Variants in KCP observed in about 807,000 individuals in gnomAD.
KCP encodes the protein kielin/chordin-like protein.
In KCP, 194 loss-of-function variants were observed where a neutral mutation model predicts 212.7. The observed-to-expected ratio is 0.91, with a 90% CI of 0.81 to 1.03. The LOEUF (loss-of-function observed/expected upper bound fraction) is 1.03. Ranked by LOEUF, KCP falls within the 50% of genes least tolerant of loss-of-function variation. KCP has a pLI of 0.00. For missense variants in KCP, 2,080 were observed against 2,162.5 expected (o/e 0.96, Z 0.76); for synonymous variants, 833 against 865.3 (o/e 0.96, Z 0.65).
At position 128,880,059 on chromosome 7, in the gene KCP, G is replaced by A; in HGVS notation, c.3786C>T (p.Gly1262=). 2 of 1,546,438 alleles carry A rather than the reference G, an allele frequency of 1.3e-6. No individual in the cohort carries two copies. The highest frequency in any genetic ancestry group is 2.7e-5 in the African/African-American group (2 of 73,122). The part of the protein sequence containing the change: ...GPDKAPALSP[G]SCCPRCLPRP... The stretch of plus-strand genomic sequence containing the variant: ...GAGGCAGGCAGCGGGGGCAGCAGCT[G>A]CCAGGACTCAGGGCAGGGGCCTTGT... The change falls in exon 35 of 40, where the codon GGC becomes GGT. Residue 1262 remains glycine, a synonymous_variant. Transcript: ENST00000610776.
intron 23 of KCP, 38 bp from the exon 24 acceptor site, chr7:128,887,004 G>A (rs531880713): frequency 1.7e-6 from 2 of 1,153,052 alleles, no homozygotes; most frequent in South Asian, 2.7e-5. Context: ...CAACTGGACT[G>A]CACATTTCCC....
intron 2 of KCP, among the ~76,000 whole-genome samples, chr7:128,907,854 C>T (rs1434537317): frequency 6.6e-6 from 1 of 152,136 alleles, no homozygotes; most frequent in South Asian, 2.1e-4. Flanking sequence ...TCTGGCCAGG[C>T]CTGGTGGCTC....
intron 21 of KCP, 44 bp from the exon 22 acceptor site, chr7:128,889,083 G>A (rs1360835749): frequency 1.4e-6 from 2 of 1,414,178 alleles, no homozygotes; most frequent in Non-Finnish European, 9.4e-7. Flanking sequence ...GGACAGAAAG[G>A]GATGAGAGGG....
chr7:128,880,789 G>C (rs1244594203), intron 32 of KCP, 68 bp from the exon 33 acceptor site: 1 of 403,788 alleles, frequency 2.5e-6, no homozygotes, highest in African/African-American at 2.1e-5. Flanking sequence ...TGCTTCTGGG[G>C]GCCTCTGGGC....
intron 8 of KCP, among the ~76,000 whole-genome samples, chr7:128,900,079 G>T (rs1794762178): frequency 6.6e-6 from 1 of 151,928 alleles, no homozygotes. Flanking sequence ...CCATGGCAAG[G>T]CTTGGCTCAA....
chr7:128,901,805 C>T (rs1360571252), intron 8 of KCP, among the ~76,000 whole-genome samples: 1 of 152,194 alleles, frequency 6.6e-6, no homozygotes, highest in Admixed American at 6.5e-5. Flanking sequence ...CCTCAGCAAG[C>T]TGTCAGGAAG....
intron 22 of KCP, 26 bp downstream of exon 22, chr7:128,888,837 G>A: frequency 6.5e-7 from 1 of 1,542,458 alleles, no homozygotes; most frequent in Non-Finnish European, 8.7e-7. Context: ...CCAGCAGGGG[G>A]AATGGAAGGG....
Position 128,890,532 on chromosome 7 carries a change from G to T in KCP, c.2165-19C>A. The stretch of plus-strand genomic sequence containing the variant: ...AGGCAGCCTGGGGAGAAGGGCAGGG[G>T]CTGGGGGGCCGTGGGGACTAGAGGG... On this transcript the variant is annotated intron_variant, in intron 20 of 39. Transcript: ENST00000610776. 2 of 1,540,314 alleles carry T rather than the reference G, an allele frequency of 1.3e-6. No individual in the cohort carries two copies. Among genetic ancestry groups the T allele is most frequent in the Non-Finnish European group, 1.7e-6 (2 of 1,143,354 alleles).
rs1178445847 is a variant in KCP at position 128,890,534 on chromosome 7, TG to T, written c.2165-22del. 5 of 1,390,140 alleles carry T rather than the reference TG, an allele frequency of 3.6e-6. No individual in the cohort carries two copies. The East Asian group carries it at 1.4e-4, about 38-fold the overall frequency. The allele number at this position is 1,390,140 out of a possible 1,614,324, so 86.1% of individuals were successfully genotyped here. On this transcript the variant is annotated intron_variant, in intron 20 of 39. Coordinates refer to ENST00000610776, the MANE Select transcript of KCP (RefSeq NM_001366122.1). ...GCAGCCTGGGGAGAAGGGCAGGGGC[TG>T]GGGGGCCGTGGGGACTAGAGGGCTG...
At chr7:128,880,188 T>G in intron 34 of KCP, 103 bp from the exon 35 acceptor site, 1 of 1,353,588 alleles carries the variant, frequency 7.4e-7, no homozygotes, top group Non-Finnish European at 9.9e-7. Context: ...TCCAGGGATC[T>G]CCAGGACTCT....
rs1437732040 is a variant in KCP, at chr7:128,891,277, C to T, written c.1880G>A (p.Ser627Asn). 6.5e-7 allele frequency: 1 copy of T among 1,547,350 alleles called. No homozygotes were observed. Among genetic ancestry groups the T allele is most frequent in the Admixed American group, 2.0e-5 (1 of 50,980 alleles). ...GCGGGCCAGGCACTGCACGTTGCCG[C>T]TCTACGGACCGACAGACGCACCACG... ...SDPCRLCRCL[S>N]GNVQCLARRC... The change falls in exon 19 of 40, where the codon AGC (serine) becomes AAC (asparagine). Residue 627 changes from serine (S) to asparagine (N), a missense_variant and splice_region_variant. Transcript: ENST00000610776.
rs1471797958 is a variant in KCP, at chr7:128,904,147, G to T, written c.572-9C>A. On this transcript the variant is annotated splice_polypyrimidine_tract_variant and intron_variant, in intron 5 of 39. Coordinates refer to ENST00000610776, the MANE Select transcript of KCP (RefSeq NM_001366122.1). ...CCCCTCATAATCACAGCCTGGGAAG[G>T]TTGGCAGGATGACAAGTGGGTCACC... The T allele has an allele frequency of 2.6e-6, 4 of 1,551,584 alleles. No individual in the cohort carries two copies. Among genetic ancestry groups the T allele is most frequent in the Admixed American group, 3.9e-5 (2 of 51,004 alleles).
At chr7:128,909,198 C>T (rs1334679027) in intron 1 of KCP, among the ~76,000 whole-genome samples, 1 of 152,132 alleles carries the variant, frequency 6.6e-6, no homozygotes, top group African/African-American at 2.4e-5. Flanking sequence ...CTCCTGCAGC[C>T]CAGAAAGTAA....
At position 128,881,513 on chromosome 7, in the gene KCP, T is replaced by C. The variant is rs914965176; in HGVS notation, c.3424+113A>G. 8 of 661,288 alleles carry C rather than the reference T, an allele frequency of 1.2e-5. No homozygotes were observed. In the African/African-American group the frequency reaches 1.5e-4, roughly 12 times the overall value. The allele number at this position is 661,288 out of a possible 1,614,324, so 41.0% of individuals were successfully genotyped here. A position where few individuals can be genotyped will look rare whatever the true frequency, so the allele number is the denominator to read the frequency against. ...AGAAAAGAATGAACCCTGCATTCTG[T>C]TCTAGAAACCGAGTACAAACCCTGG... is the stretch of plus-strand genomic sequence containing the variant. On this transcript the variant is annotated intron_variant, in intron 31 of 39. Transcript: ENST00000610776.
chr7:128,887,087 C>A, intron 23 of KCP, 121 bp from the exon 24 acceptor site: 1 of 1,065,180 alleles, frequency 9.4e-7, no homozygotes, highest in Non-Finnish European at 1.4e-6. Context: ...TGAGCCCAGT[C>A]CTGTCCCATG....
chr7:128,878,256 C>T (rs1031519507), intron 38 of KCP, among the ~76,000 whole-genome samples: 2 of 152,070 alleles, frequency 1.3e-5, no homozygotes, highest in Non-Finnish European at 2.9e-5. Flanking sequence ...TGGGGTTTCT[C>T]CATGTTGGTC....
chr7:128,898,710 G>A (rs754005104), intron 8 of KCP, among the ~76,000 whole-genome samples: 68 of 152,210 alleles, frequency 4.5e-4, no homozygotes, highest in South Asian at 1.7e-3. Flanking sequence ...GAGAGTTAAA[G>A]GATTGTTTTA....
chr7:128,906,925 G>T (rs1426723767), intron 4 of KCP, among the ~76,000 whole-genome samples, 176 bp downstream of exon 4: 2 of 152,152 alleles, frequency 1.3e-5, no homozygotes, highest in African/African-American at 4.8e-5. Context: ...ACCCCCCAGT[G>T]TCCGTGGGCA....
intron 8 of KCP, among the ~76,000 whole-genome samples, chr7:128,895,232 GCTCT>G (rs1388529830): frequency 3.3e-5 from 5 of 152,162 alleles, no homozygotes; most frequent in African/African-American, 1.2e-4. Context: ...TGTCACTTAA[GCTCT>G]CTGTGACTCA....
Sources: allele counts gnomAD v4.1 joint callset (sites outside exome capture counted in the v4.1 genomes callset), GRCh38; gene constraint gnomAD v4.1.1; transcripts MANE v1.5; gene names NCBI Gene and HGNC (gene_info 2026-07-23, HGNC 2026-07-21).